CTNNA2: variants seen among roughly 807,000 people sequenced by gnomAD.
CTNNA2 encodes catenin alpha 2, also known as catenin alpha-2.
CTNNA2 carries 42 observed loss-of-function variants against 101.0 expected under a neutral mutation model. The ratio of observed to expected loss-of-function variants is 0.42; its 90% CI spans 0.32 to 0.54. The LOEUF (loss-of-function observed/expected upper bound fraction) is 0.54, where lower values mean the gene tolerates loss of function less well. CTNNA2 is among the 20% of genes least tolerant of loss of function. The probability of loss-of-function intolerance (pLI) is 0.14; values close to 1 mark genes in which losing one functional copy is unlikely to be tolerated. For missense variants in CTNNA2, 871 were observed against 1,223.1 expected, an observed-to-expected ratio of 0.71 and a Z score of 4.29; for synonymous variants, 450 against 456.4, an observed-to-expected ratio of 0.99 and a Z score of 0.18.
chr2:79,802,349 G>C (rs901232092), intron 3 of CTNNA2, among the ~76,000 whole-genome samples: 5 of 152,164 alleles, frequency 3.3e-5, no homozygotes, highest in African/African-American at 1.2e-4. Context: ...ACAAAGTAGA[G>C]CTATAGGAGT....
At chr2:80,559,092 C>T (rs1223715741) in intron 12 of CTNNA2, among the ~76,000 whole-genome samples, 1 of 152,028 alleles carries the variant, frequency 6.6e-6, no homozygotes, top group African/African-American at 2.4e-5. Context: ...TAGACATTGC[C>T]AGATATCCTT....
chr2:80,107,398 G>A (rs573995204), intron 7 of CTNNA2, among the ~76,000 whole-genome samples: 176 of 151,950 alleles, frequency 1.2e-3, no homozygotes, highest in South Asian at 2.1e-3. Flanking sequence ...GATGGCTCTT[G>A]ATTTCAGGGG....
intron 2 of CTNNA2, among the ~76,000 whole-genome samples, chr2:79,207,823 C>T (rs866099642): frequency 1.3e-5 from 2 of 152,160 alleles, no homozygotes; most frequent in Non-Finnish European, 2.9e-5. Flanking sequence ...CTGAGGAAAA[C>T]ATTAGGACCA....
chr2:79,720,779 A>G lies in CTNNA2; in HGVS notation c.103-23608A>G, dbSNP rs76968642. Among the ~76,000 whole-genome samples the G allele has an allele frequency of 4.5e-3, 678 of 152,176 alleles. 5 individuals are homozygous for G. The highest frequency in any genetic ancestry group is 0.016 in the African/African-American group (650 of 41,536). On this transcript the variant is annotated intron_variant, in intron 2 of 18. Transcript: ENST00000402739. ...TTATCAGTTCTAATAGCTTTTTCAC[A>G]GAGTCTTTAGGGTTTTCTAGATATA...
intron 7 of CTNNA2, among the ~76,000 whole-genome samples, chr2:80,198,196 T>C (rs577305877): frequency 6.6e-6 from 1 of 152,244 alleles, no homozygotes; most frequent in South Asian, 2.1e-4. Context: ...ATTGTTAAAA[T>C]TCAAGTATGA....
intron 3 of CTNNA2, among the ~76,000 whole-genome samples, chr2:79,837,771 A>G (rs1050864733): frequency 2.0e-5 from 3 of 152,142 alleles, no homozygotes; most frequent in African/African-American, 7.2e-5. Context: ...AAAAATCAAC[A>G]GTTGGAAATG....
chr2:79,821,673 A>G lies in CTNNA2; in HGVS notation c.299-36340A>G, dbSNP rs374356932. On this transcript the variant is annotated intron_variant, in intron 3 of 18. Coordinates refer to ENST00000402739, the MANE Select transcript of CTNNA2 (RefSeq NM_001282597.3). ...GTCAAATATTTGGCAAGAGAGGAAT[A>G]CATGTAACTTTCCTTGAAAAAATGA... Among the ~76,000 whole-genome samples, 52 of 152,364 alleles carry G rather than the reference A, an allele frequency of 3.4e-4. 1 individual carries two copies. The South Asian group carries it at 0.011, about 31-fold the overall frequency.
intron 6 of CTNNA2, among the ~76,000 whole-genome samples, chr2:79,898,634 A>C (rs1445505468): frequency 6.6e-6 from 1 of 152,152 alleles, no homozygotes; most frequent in East Asian, 1.9e-4. Flanking sequence ...TCTCATTAGG[A>C]GAATGAAGGG....
chr2:79,875,694 A>G (rs1036202573), intron 6 of CTNNA2, among the ~76,000 whole-genome samples: 1 of 152,132 alleles, frequency 6.6e-6, no homozygotes, highest in African/African-American at 2.4e-5. Flanking sequence ...TTTTACAGTT[A>G]GTTATATGTA....
intron 2 of CTNNA2, among the ~76,000 whole-genome samples, chr2:79,302,391 T>C (rs1676133711): frequency 6.6e-6 from 1 of 152,154 alleles, no homozygotes; most frequent in Non-Finnish European, 1.5e-5. Flanking sequence ...TGTTCACTTA[T>C]AAAATATCAG....
At chr2:79,385,560 G>A (rs892645346) in intron 4 of CTNNA2, among the ~76,000 whole-genome samples, 4 of 151,548 alleles carry the variant, frequency 2.6e-5, no homozygotes, top group African/African-American at 9.7e-5. Flanking sequence ...TACAAGTGCA[G>A]AATGTGCAGG....
intron 9 of CTNNA2, among the ~76,000 whole-genome samples, chr2:80,495,253 A>G (rs1422205061): frequency 6.6e-6 from 1 of 152,226 alleles, no homozygotes; most frequent in East Asian, 1.9e-4. Flanking sequence ...GTTCCTATTA[A>G]TACAAACAAC....
At chr2:79,371,435 A>G (rs1034794987) in intron 3 of CTNNA2, among the ~76,000 whole-genome samples, 1 of 152,066 alleles carries the variant, frequency 6.6e-6, no homozygotes, top group African/African-American at 2.4e-5. Context: ...GAACCGACAT[A>G]TGGAAAGTCG....
intron 4 of CTNNA2, among the ~76,000 whole-genome samples, chr2:79,486,850 C>G (rs1483837290): frequency 6.6e-6 from 1 of 152,172 alleles, no homozygotes; most frequent in African/African-American, 2.4e-5. Flanking sequence ...AAAACTCAGG[C>G]AAGACTAACT....
chr2:79,969,539 A>C (rs770031411), intron 7 of CTNNA2, among the ~76,000 whole-genome samples: 25 of 152,222 alleles, frequency 1.6e-4, no homozygotes, highest in Non-Finnish European at 3.4e-4. Flanking sequence ...TAAAATCCTT[A>C]TTACAGACAT....
intron 7 of CTNNA2, among the ~76,000 whole-genome samples, chr2:80,031,418 C>A (rs1425144975): frequency 6.6e-6 from 1 of 152,176 alleles, no homozygotes; most frequent in Non-Finnish European, 1.5e-5. Context: ...CAAGGAGCAG[C>A]AAGTCACGTC....
chr2:79,310,286 G>A (rs756316869), intron 2 of CTNNA2, among the ~76,000 whole-genome samples: 2 of 152,108 alleles, frequency 1.3e-5, no homozygotes, highest in Admixed American at 6.5e-5. Flanking sequence ...TCCTAACTTC[G>A]ACAAAATGTT....
intron 2 of CTNNA2, among the ~76,000 whole-genome samples, chr2:79,270,432 A>G (rs10190281): frequency 0.22 from 33,960 of 151,912 alleles, 4,512 homozygotes; most frequent in African/African-American, 0.37. Flanking sequence ...AAGGCCTCTT[A>G]TCTGGTTTCT....
intron 2 of CTNNA2, among the ~76,000 whole-genome samples, chr2:79,215,953 G>C (rs139432658): frequency 7.2e-4 from 109 of 152,230 alleles, no homozygotes; most frequent in Middle Eastern, 3.4e-3. Flanking sequence ...TGACGCTTGG[G>C]GTTGGGACTG....
Sources: gnomAD v4.1 joint callset for allele counts (sites outside exome capture counted in the v4.1 genomes callset) on GRCh38, gnomAD v4.1.1 for gene constraint, MANE v1.5 for transcripts, NCBI Gene and HGNC (gene_info 2026-07-23, HGNC 2026-07-21) for gene names.